The following NCOA2 variants were observed in gnomAD, a reference collection of about 807,000 sequenced individuals.
NCOA2 encodes class E basic helix-loop-helix protein 75.
A neutral mutation model predicts 145.1 loss-of-function variants in NCOA2; 21 were observed. That is an observed-to-expected ratio of 0.14 (90% CI 0.10 to 0.21). NCOA2 has a LOEUF of 0.21. NCOA2 is among the 10% of genes least tolerant of loss of function. NCOA2 has a pLI of 1.00. For synonymous variants in NCOA2, 619 were observed against 637.5 expected, an observed-to-expected ratio of 0.97 and a Z score of 0.44; for missense variants, 1,472 against 1,837.6, an observed-to-expected ratio of 0.80 and a Z score of 3.64.
At chr8:70,448,598 A>G in the NCOA2 span, among the ~76,000 whole-genome samples, 1 of 152,246 alleles carries the variant, frequency 6.6e-6, no homozygotes, top group South Asian at 2.1e-4. Flanking sequence ...TGTTTTTGAA[A>G]TAAGGAAAAA....
At chr8:70,280,598 T>C (rs987344836) in intron 2 of NCOA2, among the ~76,000 whole-genome samples, 4 of 152,086 alleles carry the variant, frequency 2.6e-5, no homozygotes, top group Non-Finnish European at 5.9e-5. Context: ...GTTCATGAAA[T>C]GTTACAAAAT....
At chr8:70,242,482 C>A (rs1447090016) in intron 2 of NCOA2, among the ~76,000 whole-genome samples, 2 of 152,070 alleles carry the variant, frequency 1.3e-5, no homozygotes, top group Non-Finnish European at 2.9e-5. Context: ...CTAAAAAATG[C>A]AAAGTCTTAC....
intron 1 of NCOA2, among the ~76,000 whole-genome samples, chr8:70,390,276 T>C (rs1813067436): frequency 6.6e-6 from 1 of 152,350 alleles, no homozygotes; most frequent in African/African-American, 2.4e-5. Context: ...AGCCTAACAA[T>C]GACTCTAAGA....
chr8:70,209,861 G>C (rs1353556331), intron 4 of NCOA2, among the ~76,000 whole-genome samples: 1 of 152,144 alleles, frequency 6.6e-6, no homozygotes, highest in Non-Finnish European at 1.5e-5. Context: ...GTGCGGATCT[G>C]GAACTGAACC....
intron 1 of NCOA2, among the ~76,000 whole-genome samples, chr8:70,355,635 C>A (rs1220708180): frequency 6.6e-6 from 1 of 151,562 alleles, no homozygotes; most frequent in Admixed American, 6.6e-5. Context: ...ATGTGTGGCC[C>A]AAGACAATTC....
intron 1 of NCOA2, among the ~76,000 whole-genome samples, chr8:70,327,945 G>A (rs1806743160): frequency 6.6e-6 from 1 of 152,120 alleles, no homozygotes; most frequent in African/African-American, 2.4e-5. Flanking sequence ...TGATTTCTAT[G>A]ACAAAGATTG....
At chr8:70,183,975 C>A (rs966634455) in intron 4 of NCOA2, among the ~76,000 whole-genome samples, 4 of 152,142 alleles carry the variant, frequency 2.6e-5, no homozygotes, top group African/African-American at 9.7e-5. Flanking sequence ...TTAGCCAGGG[C>A]TGAAATATCA....
chr8:70,119,128 G>A (rs867244614), intron 22 of NCOA2, among the ~76,000 whole-genome samples: 16 of 151,466 alleles, frequency 1.1e-4, no homozygotes, highest in African/African-American at 3.4e-4. Context: ...TTTAACTATA[G>A]TTATGCTACT....
chr8:70,323,528 G>C (rs1426374019), intron 1 of NCOA2, among the ~76,000 whole-genome samples: 1 of 152,074 alleles, frequency 6.6e-6, no homozygotes, highest in Non-Finnish European at 1.5e-5. Flanking sequence ...TTGATATTAA[G>C]GGTGCTAACA....
intron 2 of NCOA2, among the ~76,000 whole-genome samples, chr8:70,257,154 T>C (rs1823702891): frequency 6.6e-6 from 1 of 152,206 alleles, no homozygotes; most frequent in South Asian, 2.1e-4. Flanking sequence ...AGAAGAAATT[T>C]AAACTCACAC....
chr8:70,307,040 C>A (rs1827948194), intron 1 of NCOA2, among the ~76,000 whole-genome samples: 1 of 152,124 alleles, frequency 6.6e-6, no homozygotes, highest in Admixed American at 6.5e-5. Context: ...AGGCTCCCTT[C>A]TCTGCAATTC....
At chr8:70,296,201 A>T (rs1827080282) in intron 2 of NCOA2, among the ~76,000 whole-genome samples, 1 of 152,214 alleles carries the variant, frequency 6.6e-6, no homozygotes, top group Non-Finnish European at 1.5e-5. Context: ...TCACATGATC[A>T]TAAATATTGT....
chr8:70,229,599 G>T (rs1013949506), intron 2 of NCOA2, among the ~76,000 whole-genome samples: 5 of 152,194 alleles, frequency 3.3e-5, no homozygotes, highest in African/African-American at 1.2e-4. Flanking sequence ...GGGGATTTGG[G>T]AGTGTGGGTC....
chr8:70,184,682 T>C (rs1815855909), intron 4 of NCOA2, among the ~76,000 whole-genome samples: 2 of 152,176 alleles, frequency 1.3e-5, no homozygotes, highest in South Asian at 4.2e-4. Flanking sequence ...AGATGGCCAA[T>C]AAACGTGTAG....
At chr8:70,450,148 T>C in the NCOA2 span, among the ~76,000 whole-genome samples, 7 of 152,246 alleles carry the variant, frequency 4.6e-5, no homozygotes, top group Non-Finnish European at 8.8e-5. Context: ...ACAAGGGTGC[T>C]CTGCCCTTCT....
chr8:70,171,205 G>C (rs1814216006), intron 5 of NCOA2, among the ~76,000 whole-genome samples: 1 of 152,170 alleles, frequency 6.6e-6, no homozygotes, highest in African/African-American at 2.4e-5. Flanking sequence ...GATCATTTCA[G>C]GAAGTTGAGA....
At position 70,128,466 on chromosome 8, in the gene NCOA2, C is replaced by G; in HGVS notation, c.3648G>C (p.Val1216=). ...GTACTCCAGGCCTCAGAGTCAAGTT[C>G]ACATTGGAAACATTGCTGATTTGAT... The part of the protein sequence containing the change: ...LMNQISNVSN[V]NLTLRPGVPT... The change falls in exon 18 of 23, where the codon GTG becomes GTC. Residue 1216 remains valine, a synonymous_variant. Transcript: ENST00000452400. 6.2e-7 allele frequency: 1 copy of G among 1,612,948 alleles called. No individual in the cohort carries two copies. Among genetic ancestry groups the G allele is most frequent in the Non-Finnish European group, 8.5e-7 (1 of 1,179,478 alleles).
intron 2 of NCOA2, among the ~76,000 whole-genome samples, 162 bp from the exon 3 acceptor site, chr8:70,216,926 C>T (rs190850421): frequency 2.1e-4 from 32 of 152,200 alleles, no homozygotes; most frequent in African/African-American, 7.0e-4. Context: ...ATATAAAAGC[C>T]GTCTCTTTAA....
chr8:70,338,934 T>C (rs942428167), intron 1 of NCOA2, among the ~76,000 whole-genome samples: 1 of 152,256 alleles, frequency 6.6e-6, no homozygotes, highest in South Asian at 2.1e-4. Flanking sequence ...AAACTAGGTA[T>C]TGAAGGAACA....
Sources: gnomAD v4.1 joint callset for allele counts (sites outside exome capture counted in the v4.1 genomes callset) on GRCh38, gnomAD v4.1.1 for gene constraint, MANE v1.5 for transcripts, NCBI Gene and HGNC (gene_info 2026-07-23, HGNC 2026-07-21) for gene names.